MYCBP2: variants seen among roughly 807,000 people sequenced by gnomAD.
The protein encoded by MYCBP2 is E3 ubiquitin-protein ligase MYCBP2.
A neutral mutation model predicts 525.3 loss-of-function variants in MYCBP2; 120 were observed. That is an observed-to-expected ratio of 0.23 (90% CI 0.20 to 0.27). MYCBP2 has a LOEUF of 0.27. Among genes scored for constraint, MYCBP2 ranks in the 10% least tolerant of loss-of-function variants. The pLI is 1.00. For synonymous variants in MYCBP2, 1,894 were observed against 1,955.8 expected (o/e 0.97, Z 0.83); for missense variants, 4,149 against 5,657.1 (o/e 0.73, Z 8.55).
At chr13:77,199,700 A>C (rs373372501) in intron 26 of MYCBP2, among the ~76,000 whole-genome samples, 3 of 152,138 alleles carry the variant, frequency 2.0e-5, no homozygotes, top group Non-Finnish European at 4.4e-5. Flanking sequence ...GATCTGAGAA[A>C]GGGCAGACTG....
chr13:77,226,407 T>C (rs773800701), intron 18 of MYCBP2, among the ~76,000 whole-genome samples: 65 of 152,206 alleles, frequency 4.3e-4, no homozygotes, highest in Non-Finnish European at 7.2e-4. Flanking sequence ...CAACTTACTT[T>C]TTCTAATCAC....
At chr13:77,220,909 C>T (rs2065456027) in intron 20 of MYCBP2, among the ~76,000 whole-genome samples, 1 of 152,118 alleles carries the variant, frequency 6.6e-6, no homozygotes, top group Admixed American at 6.5e-5. Flanking sequence ...GTAGCTCTGC[C>T]CACACTTCAT....
chr13:77,266,239 T>G (rs1225009281), intron 8 of MYCBP2, among the ~76,000 whole-genome samples: 1 of 152,182 alleles, frequency 6.6e-6, no homozygotes, highest in East Asian at 1.9e-4. Context: ...AGAATTTTTC[T>G]TCTATGTCAT....
At chr13:77,274,274 A>T (rs1364276509) in intron 4 of MYCBP2, among the ~76,000 whole-genome samples, 1 of 152,200 alleles carries the variant, frequency 6.6e-6, no homozygotes, top group Non-Finnish European at 1.5e-5. Context: ...TTAGTGGTGA[A>T]GATGAAACAC....
At chr13:77,112,373 T>C (rs2328999) in intron 55 of MYCBP2, among the ~76,000 whole-genome samples, 24,346 of 146,456 alleles carry the variant, frequency 0.17, 2,344 homozygotes, top group South Asian at 0.41. Flanking sequence ...ATTTATATAA[T>C]ATATAATATA....
chr13:77,156,316 C>T (rs1200893663), intron 45 of MYCBP2, 114 bp from the exon 46 acceptor site: 4 of 908,572 alleles, frequency 4.4e-6, no homozygotes, highest in African/African-American at 1.7e-5. Flanking sequence ...AATGCTAAAA[C>T]ATTATCTTCA....
At chr13:77,311,897 CA>C (rs1270530484) in intron 1 of MYCBP2, among the ~76,000 whole-genome samples, 3 of 151,944 alleles carry the variant, frequency 2.0e-5, no homozygotes, top group Non-Finnish European at 4.4e-5. Flanking sequence ...TTGAGAAGCT[CA>C]GTACTCTTCA....
chr13:77,205,649 T>A (rs1482406476), intron 24 of MYCBP2, 51 bp from the exon 25 acceptor site: 1 of 1,528,652 alleles, frequency 6.5e-7, no homozygotes, highest in Non-Finnish European at 8.9e-7. Flanking sequence ...AAATGTCCTA[T>A]GGTATTGATG....
chr13:77,140,270 T>C (rs974712377), intron 50 of MYCBP2, 107 bp from the exon 51 acceptor site: 55 of 633,478 alleles, frequency 8.7e-5, no homozygotes, highest in Non-Finnish European at 8.8e-5. Context: ...TAATTCTTAA[T>C]AAGGTTCCAG....
intron 55 of MYCBP2, among the ~76,000 whole-genome samples, chr13:77,113,364 G>A (rs7985513): frequency 0.99 from 150,869 of 152,254 alleles, 74,764 homozygotes; most frequent in Middle Eastern, 1. Flanking sequence ...TAACTAGGTT[G>A]TATCTCTTAA....
At chr13:77,195,952 C>T (rs1222736272) in intron 26 of MYCBP2, among the ~76,000 whole-genome samples, 2 of 152,306 alleles carry the variant, frequency 1.3e-5, no homozygotes, top group South Asian at 2.1e-4. Flanking sequence ...TATTTTTGAA[C>T]ACATACTGTA....
At chr13:77,298,451 C>G (rs1413013733) in intron 1 of MYCBP2, among the ~76,000 whole-genome samples, 1 of 152,288 alleles carries the variant, frequency 6.6e-6, no homozygotes, top group East Asian at 1.9e-4. Flanking sequence ...TCCAATAGTG[C>G]AGGGGCCCTG....
chr13:77,110,749 G>A (rs766291411), intron 55 of MYCBP2, among the ~76,000 whole-genome samples: 24 of 152,084 alleles, frequency 1.6e-4, no homozygotes, highest in Non-Finnish European at 2.8e-4. Context: ...ACTGGCCAAT[G>A]CTTAGGGAAA....
intron 7 of MYCBP2, among the ~76,000 whole-genome samples, chr13:77,269,643 T>A (rs1248797282): frequency 6.6e-6 from 1 of 151,518 alleles, no homozygotes. Context: ...AAAAAAAATG[T>A]GCTAATGATA....
intron 13 of MYCBP2, among the ~76,000 whole-genome samples, chr13:77,258,717 A>G (rs2072688080): frequency 6.6e-6 from 1 of 152,152 alleles, no homozygotes; most frequent in African/African-American, 2.4e-5. Context: ...GTGTGTGTAT[A>G]TATATAAAAC....
intron 15 of MYCBP2, among the ~76,000 whole-genome samples, chr13:77,245,616 G>A (rs1051353222): frequency 3.3e-5 from 5 of 150,602 alleles, no homozygotes; most frequent in Admixed American, 2.7e-4. Context: ...GGGGGTGGGG[G>A]CTAGGGGAGG....
chr13:77,236,349 T>C (rs1473921404), intron 17 of MYCBP2, among the ~76,000 whole-genome samples: 2 of 152,116 alleles, frequency 1.3e-5, no homozygotes, highest in Non-Finnish European at 2.9e-5. Context: ...AGTTCATCTG[T>C]AGGCAGGTAG....
In MYCBP2 at chr13:77,181,691, A is replaced by G. The variant is rs769123179; in HGVS notation, c.4941+10T>C. ...TGCCTCTGTATAAAAGATTTCAGAGACAGACCTACCTGGCTGAGTTTTTCC... is the reference window on the plus strand; with the variant it reads ...TGCCTCTGTATAAAAGATTTCAGAGGCAGACCTACCTGGCTGAGTTTTTCC... On this transcript the variant is annotated intron_variant, in intron 33 of 82. Transcript: ENST00000544440. The G allele has an allele frequency of 6.2e-7, 1 of 1,610,480 alleles. No homozygotes were observed. The highest frequency in any genetic ancestry group is 8.5e-7 in the Non-Finnish European group (1 of 1,177,750).
intron 54 of MYCBP2, among the ~76,000 whole-genome samples, chr13:77,124,558 G>A (rs553153936): frequency 6.6e-6 from 1 of 152,118 alleles, no homozygotes; most frequent in African/African-American, 2.4e-5. Context: ...CAACTAGTAT[G>A]TGTCAAAACT....
Sources: allele counts gnomAD v4.1 joint callset (sites outside exome capture counted in the v4.1 genomes callset), GRCh38; gene constraint gnomAD v4.1.1; transcripts MANE v1.5; gene names NCBI Gene and HGNC (gene_info 2026-07-23, HGNC 2026-07-21).